The following CRACD variants were observed in gnomAD, a reference collection of about 807,000 sequenced individuals.
CRACD encodes capping protein inhibiting regulator of actin dynamics.
A neutral mutation model predicts 106.8 loss-of-function variants in CRACD; 56 were observed. That is an observed-to-expected ratio of 0.52 (90% CI 0.42 to 0.66). The LOEUF (loss-of-function observed/expected upper bound fraction) is 0.66. Among genes scored for constraint, CRACD ranks in the 30% least tolerant of loss-of-function variants. CRACD has a pLI of 0.00. For missense variants in CRACD, 1,730 were observed against 1,623.2 expected (o/e 1.07, Z -1.13); for synonymous variants, 754 against 670.8 (o/e 1.12, Z -1.92).
chr4:56,052,501 A>G (rs554649724), intron 1 of CRACD, among the ~76,000 whole-genome samples: 4 of 152,330 alleles, frequency 2.6e-5, no homozygotes, highest in African/African-American at 7.2e-5. Context: ...TACAACATCA[A>G]TTGGAGTTTG....
At chr4:56,221,444 G>A (rs904094699) in intron 2 of CRACD, among the ~76,000 whole-genome samples, 8 of 152,044 alleles carry the variant, frequency 5.3e-5, no homozygotes, top group Admixed American at 2.0e-4. Context: ...AATGGGGTAG[G>A]AAGAAGAATT....
chr4:56,327,569 A>G, intron 10 of CRACD, 75 bp from the exon 11 acceptor site: 1 of 1,295,956 alleles, frequency 7.7e-7, no homozygotes, highest in South Asian at 1.3e-5. Context: ...ATAGTTTATC[A>G]TCTGTTAATT....
chr4:56,109,882 A>G (rs1734063554), intron 1 of CRACD, among the ~76,000 whole-genome samples: 2 of 152,272 alleles, frequency 1.3e-5, no homozygotes, highest in Middle Eastern at 3.4e-3. Context: ...AATAATGGAA[A>G]ATCCACAGAG....
intron 2 of CRACD, among the ~76,000 whole-genome samples, chr4:56,260,519 G>T (rs1336536476): frequency 6.6e-6 from 1 of 152,174 alleles, no homozygotes; most frequent in African/African-American, 2.4e-5. Context: ...ACTTGGCTAG[G>T]ATATAGTCCC....
intron 1 of CRACD, among the ~76,000 whole-genome samples, chr4:56,148,554 A>G (rs1265122291): frequency 6.6e-6 from 1 of 152,048 alleles, no homozygotes; most frequent in East Asian, 1.9e-4. Context: ...TGACCACCCA[A>G]TGTGCTGAGA....
chr4:56,265,914 T>C (rs1185552753), intron 2 of CRACD, among the ~76,000 whole-genome samples: 1 of 152,218 alleles, frequency 6.6e-6, no homozygotes, highest in East Asian at 1.9e-4. Context: ...AATTGCATCC[T>C]TATGACAAAT....
chr4:56,320,292 T>C (rs949224758), intron 8 of CRACD, among the ~76,000 whole-genome samples: 2 of 152,188 alleles, frequency 1.3e-5, no homozygotes, highest in Non-Finnish European at 2.9e-5. Flanking sequence ...CTGTGATCCT[T>C]GCTCATCTCC....
intron 1 of CRACD, among the ~76,000 whole-genome samples, chr4:56,074,667 A>G (rs1256368514): frequency 1.3e-5 from 2 of 152,146 alleles, no homozygotes; most frequent in Admixed American, 1.3e-4. Context: ...TCCTATTTGA[A>G]TACCCATTAT....
chr4:56,161,551 A>C (rs1226953081), intron 1 of CRACD, among the ~76,000 whole-genome samples: 1 of 151,966 alleles, frequency 6.6e-6, no homozygotes, highest in Non-Finnish European at 1.5e-5. Flanking sequence ...TCCTGGGCTC[A>C]AGCGATTCTG....
At chr4:56,141,019 C>T (rs755847381) in intron 1 of CRACD, among the ~76,000 whole-genome samples, 1 of 152,046 alleles carries the variant, frequency 6.6e-6, no homozygotes, top group Non-Finnish European at 1.5e-5. Context: ...TTATGGAGGC[C>T]CAGAATAACT....
In CRACD at chr4:56,229,619, A is replaced by G. The variant is rs185099221; in HGVS notation, c.-188-42702A>G. On this transcript the variant is annotated intron_variant, in intron 2 of 10. Transcript: ENST00000682029. Reference sequence around the variant, plus strand: ...TGGATTACCAACTGAGGAATAACTCAAGCACAATAAGAAATCCACAGTAAA... The same window carrying G: ...TGGATTACCAACTGAGGAATAACTCGAGCACAATAAGAAATCCACAGTAAA... Among the ~76,000 whole-genome samples the G allele has an allele frequency of 3.2e-3, 490 of 152,360 alleles. 3 individuals carry two copies. The highest frequency in any genetic ancestry group is 0.011 in the African/African-American group (462 of 41,586).
At position 56,141,616 on chromosome 4, in the gene CRACD, A is replaced by C. The variant is rs141283936; in HGVS notation, c.-335-37668A>C. ...TGTCTCAAAACTTAACAAAAAAAGC[A>C]AACTCAAAACAAGAGATGCTGAATA... On this transcript the variant is annotated intron_variant, in intron 1 of 10. Coordinates refer to ENST00000682029, the MANE Select transcript of CRACD (RefSeq NM_001393381.1). 1.2e-3 allele frequency among the ~76,000 whole-genome samples: 189 copies of C among 151,818 alleles called. 1 individual carries two copies. The highest frequency in any genetic ancestry group is 4.2e-3 in the African/African-American group (175 of 41,400).
chr4:56,248,317 C>T (rs1294471620), intron 2 of CRACD, among the ~76,000 whole-genome samples: 2 of 152,188 alleles, frequency 1.3e-5, no homozygotes, highest in African/African-American at 2.4e-5. Context: ...TGGTGCCGCT[C>T]ATACCTGGAA....
intron 2 of CRACD, among the ~76,000 whole-genome samples, chr4:56,188,667 C>CTATT (rs1737202532): frequency 6.7e-5 from 6 of 89,292 alleles, no homozygotes; most frequent in African/African-American, 3.7e-4. Context: ...ATTTCTCTCT[C>CTATT]TCTCTCTCTC....
intron 1 of CRACD, among the ~76,000 whole-genome samples, chr4:56,112,194 G>A (rs994111369): frequency 6.6e-6 from 1 of 152,132 alleles, no homozygotes; most frequent in South Asian, 2.1e-4. Flanking sequence ...TTCGTGCAAC[G>A]AAGCCAAATG....
intron 1 of CRACD, among the ~76,000 whole-genome samples, chr4:56,131,066 A>G (rs1458951758): frequency 6.6e-6 from 1 of 152,240 alleles, no homozygotes; most frequent in African/African-American, 2.4e-5. Flanking sequence ...TGAATCATAA[A>G]GCAGAACATA....
intron 2 of CRACD, among the ~76,000 whole-genome samples, chr4:56,185,252 C>A (rs532594564): frequency 2.0e-5 from 3 of 152,284 alleles, no homozygotes; most frequent in Admixed American, 6.5e-5. Flanking sequence ...CCAGCGCACC[C>A]GGCCTTCAGT....
chr4:56,216,004 A>G (rs978584970), intron 2 of CRACD: 1 of 152,218 alleles, frequency 6.6e-6, no homozygotes, highest in Non-Finnish European at 1.5e-5. Context: ...TGTTCAGCCC[A>G]CTGACGGGAG....
At chr4:56,181,799 C>T (rs967867362) in intron 2 of CRACD, among the ~76,000 whole-genome samples, 5 of 152,254 alleles carry the variant, frequency 3.3e-5, no homozygotes, top group South Asian at 2.1e-4. Context: ...ACATGGCTGT[C>T]TTCCCTCTTC....
Sources: gnomAD v4.1 joint callset for allele counts (sites outside exome capture counted in the v4.1 genomes callset) on GRCh38, gnomAD v4.1.1 for gene constraint, MANE v1.5 for transcripts, NCBI Gene and HGNC (gene_info 2026-07-23, HGNC 2026-07-21) for gene names.